Variants in NKAIN2 observed in about 807,000 individuals in gnomAD.
The protein encoded by NKAIN2 is sodium/potassium transporting ATPase interacting 2, also known as sodium/potassium-transporting ATPase subunit beta-1-interacting protein 2.
NKAIN2 carries 14 observed loss-of-function variants against 32.6 expected under a neutral mutation model. The observed-to-expected ratio is 0.43, with a 90% confidence interval of 0.28 to 0.67. NKAIN2 has a LOEUF of 0.67. Among genes scored for constraint, NKAIN2 ranks in the 30% least tolerant of loss-of-function variants. NKAIN2 has a pLI of 0.17. For missense variants in NKAIN2, 198 were observed against 258.3 expected, an observed-to-expected ratio of 0.77 and a Z score of 1.60; for synonymous variants, 80 against 87.2, an observed-to-expected ratio of 0.92 and a Z score of 0.46.
chr6:123,868,035 AT>A (rs769273007), intron 1 of NKAIN2, among the ~76,000 whole-genome samples: 39 of 151,870 alleles, frequency 2.6e-4, no homozygotes, highest in Non-Finnish European at 5.0e-4. Context: ...CACCCGGCTA[AT>A]TTTTTGTATT....
chr6:123,971,680 T>C (rs1778348298), intron 1 of NKAIN2, among the ~76,000 whole-genome samples: 1 of 152,180 alleles, frequency 6.6e-6, no homozygotes. Flanking sequence ...CAACATTGGC[T>C]GGAGTGGGGA....
At chr6:124,714,413 A>G (rs1285942767) in intron 4 of NKAIN2, among the ~76,000 whole-genome samples, 1 of 152,236 alleles carries the variant, frequency 6.6e-6, no homozygotes, top group Non-Finnish European at 1.5e-5. Context: ...TGTGATGGCA[A>G]TTAATTGCAC....
At chr6:124,666,569 G>A (rs1772807044) in intron 4 of NKAIN2, among the ~76,000 whole-genome samples, 1 of 152,122 alleles carries the variant, frequency 6.6e-6, no homozygotes, top group Non-Finnish European at 1.5e-5. Context: ...CCTTTGGAGT[G>A]TAACACCTTG....
chr6:123,855,831 C>T (rs565595023), intron 1 of NKAIN2, among the ~76,000 whole-genome samples: 5 of 152,230 alleles, frequency 3.3e-5, no homozygotes, highest in East Asian at 1.9e-4. Context: ...ACTGCTGAGA[C>T]GTATGGTAGA....
At chr6:124,317,647 A>G (rs1797018085) in intron 2 of NKAIN2, among the ~76,000 whole-genome samples, 1 of 152,042 alleles carries the variant, frequency 6.6e-6, no homozygotes, top group South Asian at 2.1e-4. Context: ...TTTAACATAA[A>G]CTGGAAAGGA....
At chr6:124,242,033 A>G (rs181004794) in intron 1 of NKAIN2, among the ~76,000 whole-genome samples, 2 of 152,290 alleles carry the variant, frequency 1.3e-5, no homozygotes, top group Admixed American at 6.5e-5. Context: ...AATGGCAACA[A>G]AAGTCAAAAT....
chr6:124,345,585 T>G (rs569358516), intron 2 of NKAIN2, among the ~76,000 whole-genome samples: 1,813 of 151,890 alleles, frequency 0.012, 37 homozygotes, highest in African/African-American at 0.039. Flanking sequence ...GTCGAGGAAT[T>G]TATCCATTTC....
intron 3 of NKAIN2, among the ~76,000 whole-genome samples, chr6:124,396,867 A>G (rs1351972086): frequency 6.6e-6 from 1 of 152,184 alleles, no homozygotes; most frequent in Non-Finnish European, 1.5e-5. Context: ...GTTTAAATTT[A>G]TTTTTAACTT....
intron 1 of NKAIN2, among the ~76,000 whole-genome samples, chr6:124,282,069 T>C (rs915063253): frequency 1.3e-5 from 2 of 152,168 alleles, no homozygotes; most frequent in African/African-American, 4.8e-5. Context: ...CTTTGTTGGA[T>C]CTGATGAGAT....
chr6:123,946,882 G>A (rs540491591), intron 1 of NKAIN2, among the ~76,000 whole-genome samples: 4 of 152,294 alleles, frequency 2.6e-5, no homozygotes, highest in African/African-American at 7.2e-5. Flanking sequence ...CAGACATCAG[G>A]CAGAGGCATC....
intron 5 of NKAIN2, among the ~76,000 whole-genome samples, chr6:124,816,547 A>T (rs754469566): frequency 1.3e-5 from 2 of 152,148 alleles, no homozygotes; most frequent in Non-Finnish European, 2.9e-5. Context: ...TACAGGAATT[A>T]TCTGTACTTT....
intron 1 of NKAIN2, among the ~76,000 whole-genome samples, chr6:123,935,797 C>A (rs1238351261): frequency 2.0e-5 from 3 of 151,964 alleles, no homozygotes; most frequent in African/African-American, 7.3e-5. Context: ...GGAAACTGTG[C>A]TACATTTATA....
At chr6:124,378,666 T>C (rs1191383948) in intron 3 of NKAIN2, among the ~76,000 whole-genome samples, 1 of 152,120 alleles carries the variant, frequency 6.6e-6, no homozygotes, top group East Asian at 1.9e-4. Flanking sequence ...AGGTTAATAA[T>C]TTTTTATTTT....
Position 124,721,441 on chromosome 6 carries a change from A to G in NKAIN2, c.474+63055A>G, listed in dbSNP as rs148610773. Among the ~76,000 whole-genome samples, 755 of 152,034 alleles carry G rather than the reference A, an allele frequency of 5.0e-3. 10 individuals are homozygous for G. Among genetic ancestry groups the G allele is most frequent in the African/African-American group, 0.017 (722 of 41,486 alleles). On this transcript the variant is annotated intron_variant, in intron 4 of 6. Coordinates refer to ENST00000368417, the MANE Select transcript of NKAIN2 (RefSeq NM_001040214.3). ...AAAAAAGAAAGAAATATGAAACGTTACAGTCCATCAGACATTTCAACAAAT... is the reference window on the plus strand; with the variant it reads ...AAAAAAGAAAGAAATATGAAACGTTGCAGTCCATCAGACATTTCAACAAAT...
At chr6:123,914,858 A>G (rs895757049) in intron 1 of NKAIN2, among the ~76,000 whole-genome samples, 1 of 152,178 alleles carries the variant, frequency 6.6e-6, no homozygotes, top group African/African-American at 2.4e-5. Flanking sequence ...GCTCTGACTT[A>G]GAAAGAACTT....
chr6:124,800,750 T>TCCC (rs1780219484), intron 5 of NKAIN2, among the ~76,000 whole-genome samples: 1 of 152,126 alleles, frequency 6.6e-6, no homozygotes, highest in African/African-American at 2.4e-5. Flanking sequence ...AAGTGGGAAT[T>TCCC]TCAATTCATT....
At chr6:124,544,250 A>C (rs1232059584) in intron 3 of NKAIN2, among the ~76,000 whole-genome samples, 1 of 152,020 alleles carries the variant, frequency 6.6e-6, no homozygotes, top group Non-Finnish European at 1.5e-5. Flanking sequence ...AGCAGGAGCC[A>C]ACCAGGGACA....
chr6:124,329,899 G>T (rs577548686), intron 2 of NKAIN2, among the ~76,000 whole-genome samples: 1 of 152,160 alleles, frequency 6.6e-6, no homozygotes, highest in Non-Finnish European at 1.5e-5. Flanking sequence ...CTCAGTGACT[G>T]GTTCTTCTAA....
chr6:123,845,867 T>C (rs1036304573), intron 1 of NKAIN2, among the ~76,000 whole-genome samples: 2 of 152,228 alleles, frequency 1.3e-5, no homozygotes, highest in African/African-American at 4.8e-5. Context: ...GACAAACTTG[T>C]AGGAAATTTG....
Sources: gnomAD v4.1 joint callset for allele counts (sites outside exome capture counted in the v4.1 genomes callset) on GRCh38, gnomAD v4.1.1 for gene constraint, MANE v1.5 for transcripts, NCBI Gene and HGNC (gene_info 2026-07-23, HGNC 2026-07-21) for gene names.